SCHIP1: variants seen among roughly 807,000 people sequenced by gnomAD.
SCHIP1 encodes the protein schwannomin-interacting protein 1.
SCHIP1 carries 8 observed loss-of-function variants against 29.7 expected under a neutral mutation model. The ratio of observed to expected loss-of-function variants is 0.27; its 90% confidence interval spans 0.16 to 0.49. The LOEUF is 0.49. Among genes scored for constraint, SCHIP1 ranks in the 20% least tolerant of loss-of-function variants. The pLI is 0.99. For missense variants in SCHIP1, 193 were observed against 294.6 expected (o/e 0.66, Z 2.52); for synonymous variants, 76 against 94.9 (o/e 0.80, Z 1.16).
At chr3:159,436,834 T>A in the SCHIP1 span, among the ~76,000 whole-genome samples, 11 of 152,220 alleles carry the variant, frequency 7.2e-5, no homozygotes, top group East Asian at 1.4e-3. Flanking sequence ...CCTCCTGGTC[T>A]GTGAATATGG....
the SCHIP1 span, among the ~76,000 whole-genome samples, chr3:159,440,718 A>G: frequency 0.012 from 1,799 of 152,260 alleles, 43 homozygotes; most frequent in African/African-American, 0.042. Flanking sequence ...CTGTAATTAA[A>G]TCAGAATTTT....
At chr3:159,420,399 C>T in the SCHIP1 span, among the ~76,000 whole-genome samples, 7 of 152,144 alleles carry the variant, frequency 4.6e-5, no homozygotes, top group Non-Finnish European at 8.8e-5. Context: ...AATAGAAGCA[C>T]CCTCTTTAGA....
At chr3:159,714,743 T>C in the SCHIP1 span, among the ~76,000 whole-genome samples, 1 of 152,298 alleles carries the variant, frequency 6.6e-6, no homozygotes, top group East Asian at 1.9e-4. Flanking sequence ...ACAAAGCAGC[T>C]GGGAAGCTCG....
chr3:159,660,935 A>T, the SCHIP1 span, among the ~76,000 whole-genome samples: 1 of 152,024 alleles, frequency 6.6e-6, no homozygotes, highest in East Asian at 1.9e-4. Flanking sequence ...CCACCCATCC[A>T]CCCACCTGTC....
At chr3:159,382,580 T>C in the SCHIP1 span, among the ~76,000 whole-genome samples, 1 of 152,120 alleles carries the variant, frequency 6.6e-6, no homozygotes, top group African/African-American at 2.4e-5. Context: ...TGTGCATGTG[T>C]CTTTATAGCA....
At chr3:159,528,417 C>T in the SCHIP1 span, among the ~76,000 whole-genome samples, 2 of 152,106 alleles carry the variant, frequency 1.3e-5, no homozygotes, top group South Asian at 2.1e-4. Context: ...CCCTTCCCTT[C>T]GTGAAGGAAA....
At chr3:159,544,523 T>A in the SCHIP1 span, among the ~76,000 whole-genome samples, 1 of 152,120 alleles carries the variant, frequency 6.6e-6, no homozygotes, top group East Asian at 1.9e-4. Context: ...AATATCATTG[T>A]ACAATCAGGT....
At chr3:159,856,713 T>G (rs1313702969) in intron 1 of SCHIP1, among the ~76,000 whole-genome samples, 1 of 152,170 alleles carries the variant, frequency 6.6e-6, no homozygotes, top group Non-Finnish European at 1.5e-5. Context: ...CCGTCTCTAG[T>G]GTTGTGCATC....
the SCHIP1 span, among the ~76,000 whole-genome samples, chr3:159,403,025 G>A: frequency 6.6e-5 from 10 of 152,184 alleles, no homozygotes; most frequent in East Asian, 1.9e-3. Flanking sequence ...GGCTAATATT[G>A]TATCTAAACT....
intron 1 of SCHIP1, among the ~76,000 whole-genome samples, chr3:159,856,207 T>A (rs1713345149): frequency 6.6e-6 from 1 of 152,130 alleles, no homozygotes; most frequent in Non-Finnish European, 1.5e-5. Context: ...CATTCCACCA[T>A]CATTTTTCCA....
At chr3:159,367,559 C>T in the SCHIP1 span, among the ~76,000 whole-genome samples, 2 of 152,116 alleles carry the variant, frequency 1.3e-5, no homozygotes, top group Admixed American at 6.5e-5. Context: ...TTAGTATATC[C>T]TCACTGCCAA....
the SCHIP1 span, among the ~76,000 whole-genome samples, chr3:159,610,209 C>T: frequency 6.6e-6 from 1 of 152,172 alleles, no homozygotes; most frequent in Non-Finnish European, 1.5e-5. Context: ...CCTCTGCACC[C>T]AACTTCCCCC....
At chr3:159,892,425 C>T in intron 6 of SCHIP1, 1 of 596,734 alleles carries the variant, frequency 1.7e-6, no homozygotes, top group East Asian at 2.8e-5. Flanking sequence ...TGCATTACTT[C>T]TCACATCTCC....
At chr3:159,446,534 T>C in the SCHIP1 span, among the ~76,000 whole-genome samples, 1 of 152,134 alleles carries the variant, frequency 6.6e-6, no homozygotes, top group Non-Finnish European at 1.5e-5. Flanking sequence ...AGCAATACAA[T>C]ATTGTTGCAT....
chr3:159,805,711 C>G, the SCHIP1 span, among the ~76,000 whole-genome samples: 1 of 152,068 alleles, frequency 6.6e-6, no homozygotes, highest in African/African-American at 2.4e-5. Context: ...TATGAGTAAA[C>G]GAAAGACCCA....
At chr3:159,397,860 G>A in the SCHIP1 span, among the ~76,000 whole-genome samples, 11 of 152,326 alleles carry the variant, frequency 7.2e-5, no homozygotes, top group African/African-American at 1.7e-4. Flanking sequence ...CACCCAGTTC[G>A]AGCTTCCTGA....
intron 2 of SCHIP1, among the ~76,000 whole-genome samples, chr3:159,879,234 T>C (rs2109365332): frequency 6.6e-6 from 1 of 152,216 alleles, no homozygotes; most frequent in South Asian, 2.1e-4. Flanking sequence ...TGTTGCCAGC[T>C]TTTTGTTTTG....
chr3:159,591,815 G>A, the SCHIP1 span, among the ~76,000 whole-genome samples: 2 of 152,032 alleles, frequency 1.3e-5, no homozygotes, highest in African/African-American at 4.8e-5. Context: ...AATACCTAAT[G>A]CATACAGGCC....
chr3:159,386,799 A>T, the SCHIP1 span: 2 of 152,362 alleles, frequency 1.3e-5, no homozygotes, highest in African/African-American at 4.8e-5. Flanking sequence ...GTGTGTGGAA[A>T]CTTGTGTGGT....
Sources: gnomAD v4.1 joint callset for allele counts (sites outside exome capture counted in the v4.1 genomes callset) on GRCh38, gnomAD v4.1.1 for gene constraint, MANE v1.5 for transcripts, NCBI Gene and HGNC (gene_info 2026-07-23, HGNC 2026-07-21) for gene names.